The following CHL1 variants were observed in gnomAD, a reference collection of about 807,000 sequenced individuals.
CHL1 encodes the protein cell adhesion molecule L1 like.
Under a neutral mutation model 141.9 loss-of-function variants are expected in CHL1, and 96 were observed. The ratio of observed to expected loss-of-function variants is 0.68; its 90% CI spans 0.57 to 0.80. The LOEUF is 0.80. Among genes scored for constraint, CHL1 ranks in the 30% least tolerant of loss-of-function variants. The probability of loss-of-function intolerance (pLI) is 0.00; values close to 1 mark genes in which losing one functional copy is unlikely to be tolerated. For synonymous variants in CHL1, 613 were observed against 502.2 expected (o/e 1.22, Z -2.95); for missense variants, 1,820 against 1,457.2 (o/e 1.25, Z -4.05).
intron 19 of CHL1, 87 bp from the exon 20 acceptor site, chr3:389,165 T>A (rs866638465): frequency 1.0e-6 from 1 of 989,130 alleles, no homozygotes; most frequent in Middle Eastern, 3.1e-4. Flanking sequence ...CATTACATTG[T>A]TCCTTATTCC....
chr3:255,730 T>G (rs1694094156), intron 2 of CHL1, among the ~76,000 whole-genome samples: 1 of 152,210 alleles, frequency 6.6e-6, no homozygotes, highest in Non-Finnish European at 1.5e-5. Flanking sequence ...CCTAGAACAG[T>G]AGTTCTCGCC....
chr3:287,858 C>T (rs968826746), intron 2 of CHL1, among the ~76,000 whole-genome samples: 15 of 152,056 alleles, frequency 9.9e-5, no homozygotes, highest in Admixed American at 3.3e-4. Context: ...CTCCGCCTCC[C>T]GGGTTGAAGC....
chr3:340,865 T>C lies in CHL1; in HGVS notation c.457T>C (p.Cys153Arg). ...VEEGDPIVLP[C>R]NPPKGLPPLH... ...GGAGGGAGATCCAATTGTCCTCCCA[T>C]GCAATCCTCCCAAAGGCCTCCCACC... The change falls in exon 6 of 28, where the codon TGC becomes CGC. Residue 153 changes from cysteine to arginine, a missense_variant. By Grantham distance (180) the Cys-to-Arg change is radical (BLOSUM62 -3). Coordinates refer to ENST00000256509, the MANE Select transcript of CHL1 (RefSeq NM_006614.4). 1 of 1,612,844 alleles carries C rather than the reference T, an allele frequency of 6.2e-7. No homozygotes were observed. The highest frequency in any genetic ancestry group is 8.5e-7 in the Non-Finnish European group (1 of 1,178,942).
chr3:280,603 G>A (rs1696552402), intron 2 of CHL1, among the ~76,000 whole-genome samples: 1 of 152,150 alleles, frequency 6.6e-6, no homozygotes, highest in South Asian at 2.1e-4. Context: ...AGACAACCTG[G>A]AACTGTTTAA....
In CHL1 at chr3:359,684, A is replaced by G. The variant is rs546235279; in HGVS notation, c.1166-600A>G. ...AGTGGGGAAGGTTTTATTGCCCCAAAGTAGAAAATCTGGCCCTTTTTCTCA... is the reference window on the plus strand; with the variant it reads ...AGTGGGGAAGGTTTTATTGCCCCAAGGTAGAAAATCTGGCCCTTTTTCTCA... On this transcript the variant is annotated intron_variant, in intron 11 of 27. Coordinates refer to ENST00000256509, the MANE Select transcript of CHL1 (RefSeq NM_006614.4). 1.2e-4 allele frequency among the ~76,000 whole-genome samples: 19 copies of G among 152,326 alleles called. 1 individual carries two copies. In the East Asian group the frequency reaches 2.7e-3, roughly 22 times the overall value.
chr3:219,465 A>G (rs1700632767), intron 1 of CHL1, among the ~76,000 whole-genome samples: 1 of 152,220 alleles, frequency 6.6e-6, no homozygotes, highest in South Asian at 2.1e-4. Context: ...AGACTGGATA[A>G]AGGAAATGTA....
chr3:288,938 T>C (rs1200892532), intron 2 of CHL1, among the ~76,000 whole-genome samples: 1 of 152,228 alleles, frequency 6.6e-6, no homozygotes. Context: ...CATCATGCCT[T>C]TGGTTTTGTG....
intron 2 of CHL1, among the ~76,000 whole-genome samples, chr3:297,145 G>C (rs1303972678): frequency 1.3e-5 from 2 of 152,132 alleles, no homozygotes; most frequent in East Asian, 1.9e-4. Flanking sequence ...AGGATTGCTT[G>C]AGTCGGGGAG....
intron 2 of CHL1, among the ~76,000 whole-genome samples, chr3:278,902 A>T (rs1696389971): frequency 6.6e-6 from 1 of 152,316 alleles, no homozygotes; most frequent in South Asian, 2.1e-4. Flanking sequence ...TGGAAGAAAA[A>T]TCCAGGAAGC....
intron 2 of CHL1, among the ~76,000 whole-genome samples, chr3:264,762 G>A (rs1695018157): frequency 6.6e-6 from 1 of 152,140 alleles, no homozygotes; most frequent in Non-Finnish European, 1.5e-5. Flanking sequence ...TGTCATTCTG[G>A]ACAACAAAGA....
intron 2 of CHL1, among the ~76,000 whole-genome samples, chr3:318,395 T>C (rs769521240): frequency 7.2e-5 from 11 of 151,806 alleles, no homozygotes; most frequent in Non-Finnish European, 1.3e-4. Context: ...GAGTAATTGA[T>C]TTTTAGAAAA....
intron 2 of CHL1, among the ~76,000 whole-genome samples, chr3:314,997 A>C (rs60665924): frequency 0.019 from 2,845 of 152,126 alleles, 84 homozygotes; most frequent in African/African-American, 0.065. Context: ...ACCACTATAT[A>C]CTTTAGAGAA....
chr3:311,609 A>G (rs1195067429), intron 2 of CHL1, among the ~76,000 whole-genome samples: 1 of 152,190 alleles, frequency 6.6e-6, no homozygotes, highest in African/African-American at 2.4e-5. Flanking sequence ...TTGTAATCCA[A>G]AAGGCTAGAG....
chr3:291,030 A>C (rs1042027933), intron 2 of CHL1, among the ~76,000 whole-genome samples: 3 of 152,048 alleles, frequency 2.0e-5, no homozygotes, highest in Non-Finnish European at 2.9e-5. Flanking sequence ...GCTTAATAAC[A>C]TAGTCATTGA....
intron 15 of CHL1, among the ~76,000 whole-genome samples, chr3:377,115 T>A (rs189922674): frequency 1.3e-4 from 20 of 152,310 alleles, no homozygotes; most frequent in East Asian, 7.7e-4. Flanking sequence ...ACTTTAATAG[T>A]TATCTCAACA....
At chr3:351,916 G>A (rs1443723832) in intron 10 of CHL1, among the ~76,000 whole-genome samples, 1 of 151,984 alleles carries the variant, frequency 6.6e-6, no homozygotes, top group African/African-American at 2.4e-5. Flanking sequence ...TCAATAAAAA[G>A]AGATATATTA....
At chr3:199,389 A>T (rs1248604849) in intron 1 of CHL1, among the ~76,000 whole-genome samples, 2 of 152,214 alleles carry the variant, frequency 1.3e-5, no homozygotes, top group Non-Finnish European at 2.9e-5. Flanking sequence ...TATCTGTTGC[A>T]TGTAGACTTA....
At chr3:242,353 T>C (rs192073349) in intron 1 of CHL1, among the ~76,000 whole-genome samples, 250 of 148,868 alleles carry the variant, frequency 1.7e-3, no homozygotes, top group African/African-American at 5.8e-3. Context: ...TCCCAGCACT[T>C]TGGGAGGCTG....
At chr3:393,795 A>ACCT (rs1708441273) in intron 23 of CHL1, among the ~76,000 whole-genome samples, 1 of 151,884 alleles carries the variant, frequency 6.6e-6, no homozygotes, top group South Asian at 2.1e-4. Context: ...TGATGATTTC[A>ACCT]CCTCCTTCTT....
Sources: gnomAD v4.1 joint callset for allele counts (sites outside exome capture counted in the v4.1 genomes callset) on GRCh38, gnomAD v4.1.1 for gene constraint, MANE v1.5 for transcripts, NCBI Gene and HGNC (gene_info 2026-07-23, HGNC 2026-07-21) for gene names.